NPSR1: variants seen among roughly 807,000 people sequenced by gnomAD.
NPSR1 encodes the protein neuropeptide S receptor.
NPSR1 carries 48 observed loss-of-function variants against 46.9 expected under a neutral mutation model. That is an observed-to-expected ratio of 1.02 (90% CI 0.81 to 1.30). The LOEUF (loss-of-function observed/expected upper bound fraction) is 1.30. NPSR1 is among the 50% of genes most tolerant of loss of function. NPSR1 has a pLI of 0.00. For missense variants in NPSR1, 450 were observed against 449.5 expected (o/e 1.00, Z -0.01); for synonymous variants, 176 against 168.1 (o/e 1.05, Z -0.36).
chr7:34,728,674 T>C (rs1199936332), intron 2 of NPSR1: 2 of 152,632 alleles, frequency 1.3e-5, no homozygotes, highest in African/African-American at 4.8e-5. Context: ...CAGTTTGGTA[T>C]TATGAAAGAC....
intron 8 of NPSR1, among the ~76,000 whole-genome samples, chr7:34,876,695 A>G (rs1791583084): frequency 6.6e-6 from 1 of 152,186 alleles, no homozygotes; most frequent in Non-Finnish European, 1.5e-5. Context: ...AGACTCTCTA[A>G]TCATGGAAAT....
chr7:34,834,505 C>T (rs1018712413), intron 6 of NPSR1, 45 bp downstream of exon 6: 1 of 1,361,592 alleles, frequency 7.3e-7, no homozygotes, highest in Non-Finnish European at 1.1e-6. Context: ...TAATTTGCTT[C>T]TCCAGAGGTT....
intron 3 of NPSR1, among the ~76,000 whole-genome samples, chr7:34,808,799 T>C (rs778768009): frequency 6.6e-6 from 1 of 152,224 alleles, no homozygotes; most frequent in African/African-American, 2.4e-5. Context: ...GTTGTTATAG[T>C]GTTTTCTGGC....
intron 5 of NPSR1, among the ~76,000 whole-genome samples, chr7:34,831,591 G>A (rs1790120330): frequency 6.6e-6 from 1 of 152,114 alleles, no homozygotes; most frequent in Non-Finnish European, 1.5e-5. Context: ...CACTAAATCA[G>A]GCTCCCAGGA....
At chr7:34,659,561 A>T (rs2128667458) in intron 1 of NPSR1, among the ~76,000 whole-genome samples, 1 of 152,250 alleles carries the variant, frequency 6.6e-6, no homozygotes, top group Admixed American at 6.5e-5. Context: ...TTCAGAATAA[A>T]ACTTTCAGCA....
chr7:34,792,666 TA>T (rs1443671758), intron 3 of NPSR1, among the ~76,000 whole-genome samples: 32 of 95,410 alleles, frequency 3.4e-4, no homozygotes, highest in African/African-American at 4.3e-4. Flanking sequence ...TATATATATT[TA>T]TATATATGTA....
chr7:34,678,197 A>G (rs1171943300), intron 1 of NPSR1, among the ~76,000 whole-genome samples: 1 of 149,468 alleles, frequency 6.7e-6, no homozygotes, highest in Non-Finnish European at 1.5e-5. Context: ...AATGCTGGAT[A>G]TGATACAAGG....
At chr7:34,766,972 C>T (rs1398532914) in intron 2 of NPSR1, among the ~76,000 whole-genome samples, 3 of 152,096 alleles carry the variant, frequency 2.0e-5, no homozygotes, top group Non-Finnish European at 4.4e-5. Flanking sequence ...ATAAAGAACA[C>T]ATTAGTGTTT....
chr7:34,759,083 C>G (rs1359839138), intron 2 of NPSR1, among the ~76,000 whole-genome samples: 2 of 152,242 alleles, frequency 1.3e-5, no homozygotes, highest in Middle Eastern at 6.8e-3. Flanking sequence ...ATAGTATCAG[C>G]AGACACAGTA....
At position 34,798,880 on chromosome 7, in the gene NPSR1, T is replaced by C. The variant is rs150845864; in HGVS notation, c.385-12890T>C. The stretch of plus-strand genomic sequence containing the variant: ...AACACACTTCTAAGTAATAAGTGAA[T>C]TGAAGAAGATATCTCAAGAAATATT... On this transcript the variant is annotated intron_variant, in intron 3 of 8. Transcript: ENST00000360581. 9.0e-3 allele frequency among the ~76,000 whole-genome samples: 1,370 copies of C among 152,256 alleles called. 15 individuals carry two copies. Among genetic ancestry groups the C allele is most frequent in the South Asian group, 0.017 (81 of 4,820 alleles).
chr7:34,662,448 T>C (rs1307133582), intron 1 of NPSR1, among the ~76,000 whole-genome samples: 3 of 152,112 alleles, frequency 2.0e-5, no homozygotes, highest in African/African-American at 7.2e-5. Context: ...AGGGAGCTCC[T>C]TCCTGCCCTG....
At chr7:34,663,164 G>A (rs1191361808) in intron 1 of NPSR1, among the ~76,000 whole-genome samples, 1 of 151,606 alleles carries the variant, frequency 6.6e-6, no homozygotes, top group Non-Finnish European at 1.5e-5. Flanking sequence ...GAGCAAGTTG[G>A]CATCAGCTGA....
At chr7:34,722,707 T>C (rs1562678490) in intron 2 of NPSR1, among the ~76,000 whole-genome samples, 1 of 152,320 alleles carries the variant, frequency 6.6e-6, no homozygotes, top group South Asian at 2.1e-4. Flanking sequence ...GTGGGCAGAC[T>C]TGAGCTATTC....
downstream of NPSR1, among the ~76,000 whole-genome samples, chr7:34,850,950 G>C (rs1790917681): frequency 6.6e-6 from 1 of 152,124 alleles, no homozygotes; most frequent in South Asian, 2.1e-4. Context: ...TGACAGATCT[G>C]GAGTTTGGTA....
chr7:34,808,477 ACT>A (rs1174712231), intron 3 of NPSR1, among the ~76,000 whole-genome samples: 1 of 152,106 alleles, frequency 6.6e-6, no homozygotes. Context: ...CTTTCTTTGT[ACT>A]CTGTCCCTTC....
intron 1 of NPSR1, among the ~76,000 whole-genome samples, chr7:34,681,130 C>G (rs1792611373): frequency 6.6e-6 from 1 of 152,042 alleles, no homozygotes; most frequent in African/African-American, 2.4e-5. Context: ...CCTTTCAGCT[C>G]TTCATTCTGT....
intron 8 of NPSR1, among the ~76,000 whole-genome samples, chr7:34,874,762 A>C (rs143687415): frequency 0.018 from 2,753 of 152,170 alleles, 94 homozygotes; most frequent in African/African-American, 0.063. Context: ...CCTGCATGAG[A>C]AACTAACAGG....
intron 3 of NPSR1, among the ~76,000 whole-genome samples, chr7:34,793,606 TTACA>T (rs1788038582): frequency 6.6e-6 from 1 of 152,130 alleles, no homozygotes; most frequent in Admixed American, 6.6e-5. Flanking sequence ...AAGGAAACTC[TTACA>T]TATTGTTGGT....
intron 3 of NPSR1, among the ~76,000 whole-genome samples, chr7:34,788,329 A>C (rs552328773): frequency 6.6e-6 from 1 of 152,176 alleles, no homozygotes; most frequent in East Asian, 1.9e-4. Flanking sequence ...CCACAGAAGA[A>C]GACAGGAAAA....
Sources: allele counts gnomAD v4.1 joint callset (sites outside exome capture counted in the v4.1 genomes callset), GRCh38; gene constraint gnomAD v4.1.1; transcripts MANE v1.5; gene names NCBI Gene and HGNC (gene_info 2026-07-23, HGNC 2026-07-21).